ILRUN: variants seen among roughly 807,000 people sequenced by gnomAD.
The protein encoded by ILRUN is inflammation and lipid regulator with UBA-like and NBR1-like domains.
Under a neutral mutation model 33.8 loss-of-function variants are expected in ILRUN, and 3 were observed. That is an observed-to-expected ratio of 0.09 (90% CI 0.04 to 0.23). The LOEUF (loss-of-function observed/expected upper bound fraction) is 0.23. ILRUN is among the 10% of genes least tolerant of loss of function. The probability of loss-of-function intolerance (pLI) is 1.00; values close to 1 mark genes in which losing one functional copy is unlikely to be tolerated. For missense variants in ILRUN, 210 were observed against 375.1 expected, an observed-to-expected ratio of 0.56 and a Z score of 3.64; for synonymous variants, 124 against 138.9, an observed-to-expected ratio of 0.89 and a Z score of 0.75.
intron 3 of ILRUN, among the ~76,000 whole-genome samples, chr6:34,613,529 T>C (rs1282838632): frequency 6.6e-6 from 1 of 152,230 alleles, no homozygotes; most frequent in Non-Finnish European, 1.5e-5. Flanking sequence ...TCTGATGGGA[T>C]ATAATTCTGA....
At chr6:34,678,728 G>A (rs1214478860) in intron 1 of ILRUN, among the ~76,000 whole-genome samples, 1 of 149,540 alleles carries the variant, frequency 6.7e-6, no homozygotes, top group Non-Finnish European at 1.5e-5. Context: ...GGTGGCAGGC[G>A]CCTGTAGTCC....
At chr6:34,682,843 T>C (rs1042943499) in intron 1 of ILRUN, among the ~76,000 whole-genome samples, 4 of 152,068 alleles carry the variant, frequency 2.6e-5, no homozygotes, top group African/African-American at 4.8e-5. Context: ...TTCACACTTA[T>C]GTGAGACACG....
intron 3 of ILRUN, among the ~76,000 whole-genome samples, chr6:34,607,220 G>A (rs952343641): frequency 6.6e-6 from 1 of 152,046 alleles, no homozygotes; most frequent in East Asian, 1.9e-4. Context: ...TCCAGAGAAC[G>A]ATCAATAGAT....
At chr6:34,630,684 G>T (rs1420081904) in intron 3 of ILRUN, among the ~76,000 whole-genome samples, 2 of 151,990 alleles carry the variant, frequency 1.3e-5, no homozygotes, top group Non-Finnish European at 2.9e-5. Flanking sequence ...CCTGGCCCTG[G>T]GTTTGTTTTT....
chr6:34,631,864 C>T (rs1471058790), intron 3 of ILRUN, among the ~76,000 whole-genome samples: 1 of 151,864 alleles, frequency 6.6e-6, no homozygotes, highest in African/African-American at 2.4e-5. Flanking sequence ...CACTAAACTG[C>T]ATGCTTTAAA....
Position 34,587,992 on chromosome 6 carries a change from T to C in ILRUN, c.*2573A>G, listed in dbSNP as rs186225321. 39 of 398,254 alleles carry C rather than the reference T, an allele frequency of 9.8e-5. No homozygotes were observed. The highest frequency in any genetic ancestry group is 5.7e-4 in the East Asian group (16 of 28,064). The allele number at this position is 398,254 out of a possible 1,614,324, so 24.7% of individuals were successfully genotyped here. On this transcript the variant is annotated 3_prime_UTR_variant, in exon 5 of 5. Coordinates refer to ENST00000374023, the MANE Select transcript of ILRUN (RefSeq NM_024294.4). Reference sequence around the variant, plus strand: ...AAGATTCTAAGAGGAGCAGGGACTATTGGGGCTGAGAGGTAGCCACTACCA... The same window carrying C: ...AAGATTCTAAGAGGAGCAGGGACTACTGGGGCTGAGAGGTAGCCACTACCA...
intron 1 of ILRUN, among the ~76,000 whole-genome samples, chr6:34,660,128 C>G (rs1414666980): frequency 1.4e-5 from 2 of 142,920 alleles, no homozygotes; most frequent in Non-Finnish European, 3.0e-5. Context: ...ATGGCGAAAC[C>G]TCATCCCTTC....
Position 34,605,604 on chromosome 6 carries a change from G to A in ILRUN, c.861+951C>T, listed in dbSNP as rs538646121. The stretch of plus-strand genomic sequence containing the variant: ...AGATTGTGTCACTACACTCCAGCCT[G>A]GGTGACAGAGCAAGACTCCATCTTG... On this transcript the variant is annotated intron_variant, in intron 4 of 4. Transcript: ENST00000374023. Among the ~76,000 whole-genome samples, 86 of 152,262 alleles carry A rather than the reference G, an allele frequency of 5.6e-4. 1 individual carries two copies. Among genetic ancestry groups the A allele is most frequent in the Non-Finnish European group, 6.5e-4 (44 of 68,022 alleles).
Position 34,587,915 on chromosome 6 carries a change from C to A in ILRUN, c.*2650G>T. ...CCTAACCATGGTGTCTGCCTCACCT[C>A]CTGGGTGCCAGACGCAGGTGGTCCT... On this transcript the variant is annotated 3_prime_UTR_variant, in exon 5 of 5. Coordinates refer to ENST00000374023, the MANE Select transcript of ILRUN (RefSeq NM_024294.4). The A allele has an allele frequency of 5.0e-6, 2 of 397,256 alleles. No homozygotes were observed. Among genetic ancestry groups the A allele is most frequent in the Non-Finnish European group, 4.4e-6 (1 of 225,768 alleles). The allele number at this position is 397,256 out of a possible 1,614,324, so 24.6% of individuals were successfully genotyped here.
At chr6:34,677,591 G>A (rs1280360457) in intron 1 of ILRUN, among the ~76,000 whole-genome samples, 2 of 152,058 alleles carry the variant, frequency 1.3e-5, no homozygotes, top group East Asian at 3.8e-4. Flanking sequence ...TTAGCTTTTA[G>A]TATTACAAGC....
chr6:34,606,858 T>A lies in ILRUN; in HGVS notation c.558A>T (p.Gly186=). The A allele has an allele frequency of 6.2e-7, 1 of 1,614,006 alleles. No individual in the cohort carries two copies. The highest frequency in any genetic ancestry group is 8.5e-7 in the Non-Finnish European group (1 of 1,180,004). ...CAAAAGATGACAGCTGCTGCGTTAC[T>A]CCTAAAAGTCCACCCACCTCCACAC... The part of the protein sequence containing the change: ...ILSVEVGGLL[G]VTQQLSSFET... The change falls in exon 4 of 5, where the codon GGA becomes GGT. Residue 186 remains glycine, a synonymous_variant. Transcript: ENST00000374023.
intron 4 of ILRUN, among the ~76,000 whole-genome samples, chr6:34,591,221 T>C (rs534717310): frequency 6.6e-6 from 1 of 152,288 alleles, no homozygotes; most frequent in Non-Finnish European, 1.5e-5. Context: ...CCAAGTGTGG[T>C]GGCTCACGCC....
intron 4 of ILRUN, among the ~76,000 whole-genome samples, chr6:34,603,037 T>TA (rs1369818036): frequency 6.6e-6 from 1 of 152,182 alleles, no homozygotes; most frequent in Admixed American, 6.5e-5. Context: ...AGTTAAACTG[T>TA]AACTATGGAG....
At position 34,658,619 on chromosome 6, in the gene ILRUN, C is replaced by T. The variant is rs1453267120; in HGVS notation, c.159-3840G>A. 3.3e-5 allele frequency among the ~76,000 whole-genome samples: 5 copies of T among 151,430 alleles called. No individual in the cohort carries two copies. In the South Asian group the frequency reaches 1.0e-3, roughly 32 times the overall value. ...GTCAGGAATTCGAGACCAGCCTGGC[C>T]AACATGGGGAAACCTTGTCTCTACT... On this transcript the variant is annotated intron_variant, in intron 1 of 4. Coordinates refer to ENST00000374023, the MANE Select transcript of ILRUN (RefSeq NM_024294.4).
chr6:34,639,193 G>A lies in ILRUN; in HGVS notation c.511+7408C>T, dbSNP rs1303580723. 3.9e-5 allele frequency among the ~76,000 whole-genome samples: 6 copies of A among 152,144 alleles called. No homozygotes were observed. In the South Asian group the frequency reaches 1.2e-3, roughly 32 times the overall value. On this transcript the variant is annotated intron_variant, in intron 3 of 4. Coordinates refer to ENST00000374023, the MANE Select transcript of ILRUN (RefSeq NM_024294.4). ...TTGTGGTTTGGGACCTTCATAAGGG[G>A]AGCTTCATTTCTAAACTCTGAGAAA...
chr6:34,597,174 A>C (rs1761419358), intron 4 of ILRUN, among the ~76,000 whole-genome samples: 1 of 152,238 alleles, frequency 6.6e-6, no homozygotes, highest in Non-Finnish European at 1.5e-5. Context: ...CACATTATTC[A>C]AAGTTTCTAC....
chr6:34,667,275 G>T (rs1392210311), intron 1 of ILRUN, among the ~76,000 whole-genome samples: 1 of 152,070 alleles, frequency 6.6e-6, no homozygotes, highest in Admixed American at 6.5e-5. Flanking sequence ...TTTGGATCCT[G>T]TATGGCTGAA....
At chr6:34,600,311 G>C (rs756133256) in intron 4 of ILRUN, among the ~76,000 whole-genome samples, 11 of 152,228 alleles carry the variant, frequency 7.2e-5, no homozygotes, top group Non-Finnish European at 1.5e-4. Context: ...TGGCCTCCTT[G>C]TTATCCCTTG....
chr6:34,666,221 T>C, intron 1 of ILRUN, among the ~76,000 whole-genome samples: 1 of 152,202 alleles, frequency 6.6e-6, no homozygotes. Flanking sequence ...CCAAGTACTC[T>C]GTGGACATAT....
Sources: gnomAD v4.1 joint callset for allele counts (sites outside exome capture counted in the v4.1 genomes callset) on GRCh38, gnomAD v4.1.1 for gene constraint, MANE v1.5 for transcripts, NCBI Gene and HGNC (gene_info 2026-07-23, HGNC 2026-07-21) for gene names.